Variants in EMILIN2 observed in about 807,000 individuals in gnomAD.
EMILIN2 encodes the protein EMILIN-2.
Under a neutral mutation model 87.1 loss-of-function variants are expected in EMILIN2, and 71 were observed. That is an observed-to-expected ratio of 0.82 (90% CI 0.67 to 0.99). EMILIN2 has a LOEUF of 0.99. EMILIN2 is among the 50% of genes least tolerant of loss of function. The pLI, the probability that EMILIN2 is intolerant of heterozygous loss-of-function variation, is 0.00. For synonymous variants in EMILIN2, 581 were observed against 563.4 expected (o/e 1.03, Z -0.44); for missense variants, 1,407 against 1,371.8 (o/e 1.03, Z -0.40).
At chr18:2,862,947 T>TGG (rs2076668359) in intron 2 of EMILIN2, among the ~76,000 whole-genome samples, 1 of 152,232 alleles carries the variant, frequency 6.6e-6, no homozygotes, top group African/African-American at 2.4e-5. Flanking sequence ...GGTTTAGTCT[T>TGG]GGGAGGGCAT....
rs71159017 is a variant in EMILIN2, at chr18:2,858,587, ATATATATATATATATGTG to A, written c.257+10670_257+10687del. Among the ~76,000 whole-genome samples the A allele has an allele frequency of 1.7e-3, 174 of 101,052 alleles. 3 individuals are homozygous for A. The highest frequency in any genetic ancestry group is 2.7e-3 in the Non-Finnish European group (158 of 57,960). 66.3% of individuals were successfully genotyped at this position (101,052 alleles called of 152,430 possible). The stretch of plus-strand genomic sequence containing the variant: ...TATATATATGTGTGTGTGTGTGTAT[ATATATATATATATATGTG>A]TATATATATATATGTTCCACAGTTT... On this transcript the variant is annotated intron_variant, in intron 2 of 7. Transcript: ENST00000254528.
intron 2 of EMILIN2, among the ~76,000 whole-genome samples, chr18:2,850,093 ATTTTTTTTT>A (rs71366611): frequency 8.2e-6 from 1 of 122,540 alleles, no homozygotes; most frequent in African/African-American, 3.1e-5. Flanking sequence ...TGCCCAGCTA[ATTTTTTTTT>A]TTTTTTTTTT....
rs548137226 is a variant in EMILIN2 at position 2,889,803 on chromosome 18, C to T, written c.434-758C>T. Reference sequence around the variant, plus strand: ...CCTGCCTCCCTAGTAACTGAGACTACAGGCACACACCACCTCCCTGACCAG... The same window carrying T: ...CCTGCCTCCCTAGTAACTGAGACTATAGGCACACACCACCTCCCTGACCAG... On this transcript the variant is annotated intron_variant, in intron 3 of 7. Coordinates refer to ENST00000254528, the MANE Select transcript of EMILIN2 (RefSeq NM_032048.3). Among the ~76,000 whole-genome samples, 5 of 149,308 alleles carry T rather than the reference C, an allele frequency of 3.3e-5. No individual in the cohort carries two copies. In the South Asian group the frequency reaches 1.1e-3, roughly 32 times the overall value.
intron 3 of EMILIN2, among the ~76,000 whole-genome samples, chr18:2,887,430 A>T (rs1294561303): frequency 6.6e-6 from 1 of 152,218 alleles, no homozygotes; most frequent in Non-Finnish European, 1.5e-5. Flanking sequence ...TGTTTGGGTC[A>T]TGGAGGTTGA....
At position 2,895,554 on chromosome 18, in the gene EMILIN2, C is replaced by T. The variant is rs151064406; in HGVS notation, c.2359+3068C>T. Among the ~76,000 whole-genome samples the T allele has an allele frequency of 4.0e-3, 612 of 152,296 alleles. 2 individuals are homozygous for T. Among genetic ancestry groups the T allele is most frequent in the African/African-American group, 0.014 (575 of 41,558 alleles). On this transcript the variant is annotated intron_variant, in intron 4 of 7. Transcript: ENST00000254528. ...TGCTCTATGTGGCATCAGCTTGAGT[C>T]GCCCACTCAGCTGCATTCAGCTTGC...
intron 3 of EMILIN2, among the ~76,000 whole-genome samples, chr18:2,886,992 C>G (rs183779728): frequency 6.6e-6 from 1 of 152,160 alleles, no homozygotes; most frequent in Non-Finnish European, 1.5e-5. Context: ...TCCTGTGTCC[C>G]CTGCTCCCTC....
chr18:2,882,045 G>C (rs1749470414), intron 2 of EMILIN2, among the ~76,000 whole-genome samples: 1 of 152,246 alleles, frequency 6.6e-6, no homozygotes, highest in Admixed American at 6.5e-5. Flanking sequence ...ACGGCTGTGT[G>C]GGGTGCAGGG....
intron 4 of EMILIN2, among the ~76,000 whole-genome samples, chr18:2,896,663 A>T (rs949125428): frequency 2.0e-5 from 3 of 151,164 alleles, no homozygotes; most frequent in Non-Finnish European, 2.9e-5. Flanking sequence ...TTATTTATTT[A>T]TTTTTTTAGA....
chr18:2,907,039 C>G lies in EMILIN2; in HGVS notation c.2616C>G (p.Thr872=), dbSNP rs1598506193. 21 of 1,289,888 alleles carry G rather than the reference C, an allele frequency of 1.6e-5. No homozygotes were observed. The highest frequency in any genetic ancestry group is 2.1e-5 in the Non-Finnish European group (21 of 1,023,562). 79.9% of individuals were successfully genotyped at this position (1,289,888 alleles called of 1,614,324 possible). A position where few individuals can be genotyped will look rare whatever the true frequency, so the allele number is the denominator to read the frequency against. Reference sequence around the variant, plus strand: ...TGCCGCGGGGCGTGGACGGCCAGACCGGGAGCGGCACCGTCCCCGGCGCAG... The same window carrying G: ...TGCCGCGGGGCGTGGACGGCCAGACGGGGAGCGGCACCGTCCCCGGCGCAG... ...RGLPRGVDGQ[T]GSGTVPGAEG... The change falls in exon 5 of 8, where the codon ACC becomes ACG. Residue 872 remains threonine (T), a synonymous_variant. Transcript: ENST00000254528.
intron 2 of EMILIN2, among the ~76,000 whole-genome samples, chr18:2,881,159 G>C (rs972284817): frequency 6.6e-6 from 1 of 152,162 alleles, no homozygotes; most frequent in East Asian, 1.9e-4. Context: ...AACTGAGCCC[G>C]AGGGCTGACT....
chr18:2,909,762 G>A lies in EMILIN2; in HGVS notation c.2767G>A (p.Val923Ile), dbSNP rs780356221. ...TQKPFPSDGGVVLFNKVLVND... is the reference protein window; with the variant it reads ...TQKPFPSDGGIVLFNKVLVND... ...GAAGCCTTTCCCCAGTGATGGGGGC[G>A]TTGTCCTCTTTAACAAAGTGCTGGT... Residue 923 changes from valine to isoleucine, a missense_variant, in exon 7 of 8, where the codon GTT becomes ATT. Physicochemically the swap from Val to Ile is conservative, Grantham distance 29. Transcript: ENST00000254528. 2.1e-5 allele frequency: 34 copies of A among 1,612,628 alleles called. No individual in the cohort carries two copies. The highest frequency in any genetic ancestry group is 1.7e-4 in the South Asian group (15 of 90,858).
At chr18:2,905,783 GTTTTT>G (rs35765300) in intron 4 of EMILIN2, among the ~76,000 whole-genome samples, 2 of 51,862 alleles carry the variant, frequency 3.9e-5, no homozygotes, top group African/African-American at 2.0e-4. Context: ...TTGTTTTTTT[GTTTTT>G]TTTTTTTGGA....
In EMILIN2 at chr18:2,913,517, C is replaced by T; in HGVS notation, c.*113C>T. 1.2e-6 allele frequency: 1 copy of T among 846,004 alleles called. No homozygotes were observed. Among genetic ancestry groups the T allele is most frequent in the Non-Finnish European group, 1.8e-6 (1 of 559,882 alleles). 52.4% of individuals were successfully genotyped at this position (846,004 alleles called of 1,614,324 possible). ...GGGGCTAGAGTTTCCACATAGGCCC[C>T]AACATAAAGGCCTTCCCTCGCTGTT... On this transcript the variant is annotated 3_prime_UTR_variant, in exon 8 of 8. Transcript: ENST00000254528.
chr18:2,851,021 A>C (rs764903757), intron 2 of EMILIN2, among the ~76,000 whole-genome samples: 1 of 151,158 alleles, frequency 6.6e-6, no homozygotes, highest in Non-Finnish European at 1.5e-5. Context: ...TTTGTGTGAG[A>C]TTGAGGGAGT....
At chr18:2,873,508 C>G (rs371917958) in intron 2 of EMILIN2, among the ~76,000 whole-genome samples, 1 of 151,840 alleles carries the variant, frequency 6.6e-6, no homozygotes, top group Admixed American at 6.5e-5. Context: ...GAGATCGAGA[C>G]CATCCTGGCT....
chr18:2,852,086 A>C (rs1010117973), intron 2 of EMILIN2, among the ~76,000 whole-genome samples: 6 of 152,192 alleles, frequency 3.9e-5, no homozygotes, highest in South Asian at 2.1e-4. Flanking sequence ...TCAACTACTA[A>C]GAGCATTTAC....
intron 2 of EMILIN2, among the ~76,000 whole-genome samples, chr18:2,861,876 T>C (rs2076662724): frequency 6.6e-6 from 1 of 152,240 alleles, no homozygotes; most frequent in Non-Finnish European, 1.5e-5. Context: ...CATGGAGTGT[T>C]CTTCCATTTG....
At chr18:2,851,104 AAGG>A (rs2076599246) in intron 2 of EMILIN2, among the ~76,000 whole-genome samples, 1 of 151,740 alleles carries the variant, frequency 6.6e-6, no homozygotes, top group Non-Finnish European at 1.5e-5. Flanking sequence ...AAAAAAAAAA[AAGG>A]AGCTGAATAG....
intron 4 of EMILIN2, among the ~76,000 whole-genome samples, chr18:2,904,091 T>C (rs2076899499): frequency 6.6e-6 from 1 of 152,260 alleles, no homozygotes; most frequent in African/African-American, 2.4e-5. Flanking sequence ...TGGGTATTTT[T>C]GCTGGGTACA....
Sources: allele counts gnomAD v4.1 joint callset (sites outside exome capture counted in the v4.1 genomes callset), GRCh38; gene constraint gnomAD v4.1.1; transcripts MANE v1.5; gene names NCBI Gene and HGNC (gene_info 2026-07-23, HGNC 2026-07-21).